Variants in FNDC3B observed in about 807,000 individuals in gnomAD.
FNDC3B encodes the protein fibronectin type III domain containing 3B.
FNDC3B carries 12 observed loss-of-function variants against 151.5 expected under a neutral mutation model. That is an observed-to-expected ratio of 0.08 (90% CI 0.05 to 0.13). The LOEUF (loss-of-function observed/expected upper bound fraction) is 0.13. FNDC3B is among the 10% of genes least tolerant of loss of function. The pLI, the probability that FNDC3B is intolerant of heterozygous loss-of-function variation, is 1.00. For missense variants in FNDC3B, 1,214 were observed against 1,505.3 expected, an observed-to-expected ratio of 0.81 and a Z score of 3.20; for synonymous variants, 528 against 549.0, an observed-to-expected ratio of 0.96 and a Z score of 0.54.
At position 172,401,041 on chromosome 3, in the gene FNDC3B, GCCTC is replaced by G. The variant is rs1736551040; in HGVS notation, c.*3569_*3572del. The G allele has an allele frequency of 6.6e-6, 1 of 151,200 alleles. No homozygotes were observed. The highest frequency in any genetic ancestry group is 2.1e-4 in the South Asian group (1 of 4,800). 9.4% of individuals were successfully genotyped at this position (151,200 alleles called of 1,614,324 possible). ...GGGTTCATGCCATTCTCCTGCCTCA[GCCTC>G]CCAAGTAGCTGGGACTACAGGTGCC... is the stretch of plus-strand genomic sequence containing the variant. On this transcript the variant is annotated 3_prime_UTR_variant, in exon 26 of 26. Coordinates refer to ENST00000415807, the MANE Select transcript of FNDC3B (RefSeq NM_022763.4).
At chr3:172,182,890 C>T (rs953453518) in intron 3 of FNDC3B, among the ~76,000 whole-genome samples, 2 of 152,160 alleles carry the variant, frequency 1.3e-5, no homozygotes, top group African/African-American at 2.4e-5. Context: ...AGTGTAGGCA[C>T]GAAGCTTTCA....
Position 172,346,381 on chromosome 3 carries a change from C to A in FNDC3B, c.2305C>A (p.Gln769Lys). 1 of 1,613,788 alleles carries A rather than the reference C, an allele frequency of 6.2e-7. No homozygotes were observed. The highest frequency in any genetic ancestry group is 8.5e-7 in the Non-Finnish European group (1 of 1,179,796). Residue 769 changes from glutamine to lysine, a missense_variant, in exon 20 of 26, where the codon CAA becomes AAA. Coordinates refer to ENST00000415807, the MANE Select transcript of FNDC3B (RefSeq NM_022763.4). ...EITTAAGPPG[Q>K]CKAPCISCTP... is the part of the protein sequence containing the mutation. ...TACCACTGCTGCAGGGCCTCCTGGA[C>A]AATGCAAAGCACCTTGTATTTCTTG...
In FNDC3B at chr3:172,039,632, C is replaced by T. The variant is rs1560376722; in HGVS notation, c.-168C>T. 6.1e-6 allele frequency: 1 copy of T among 163,532 alleles called. No homozygotes were observed. The highest frequency in any genetic ancestry group is 1.3e-5 in the Non-Finnish European group (1 of 76,488). 10.1% of individuals were successfully genotyped at this position (163,532 alleles called of 1,614,324 possible). A position where few individuals can be genotyped will look rare whatever the true frequency, so the allele number is the denominator to read the frequency against. On this transcript the variant is annotated 5_prime_UTR_variant, in exon 1 of 26. Coordinates refer to ENST00000415807, the MANE Select transcript of FNDC3B (RefSeq NM_022763.4). ...CTCCTGGTAGTTATTTGAGCGGCGG[C>T]GGCGGCGGCTGGAGGAGGAGAGCGG...
At chr3:172,334,088 C>T (rs946611173) in intron 14 of FNDC3B, among the ~76,000 whole-genome samples, 4 of 152,190 alleles carry the variant, frequency 2.6e-5, no homozygotes, top group African/African-American at 9.7e-5. Flanking sequence ...TCCACACATT[C>T]TTCTCTAAGT....
chr3:172,056,072 C>T (rs968176981), intron 1 of FNDC3B, among the ~76,000 whole-genome samples: 3 of 152,114 alleles, frequency 2.0e-5, no homozygotes, highest in Admixed American at 1.3e-4. Flanking sequence ...TGAGCCACTG[C>T]GCCCGGCCTG....
intron 3 of FNDC3B, among the ~76,000 whole-genome samples, chr3:172,191,883 G>A (rs1044697730): frequency 2.0e-5 from 3 of 152,140 alleles, no homozygotes; most frequent in Non-Finnish European, 2.9e-5. Context: ...TGATTGGAGC[G>A]CTGTGTAGAG....
chr3:172,209,490 G>C (rs921804137), intron 3 of FNDC3B, among the ~76,000 whole-genome samples: 1 of 152,208 alleles, frequency 6.6e-6, no homozygotes, highest in Non-Finnish European at 1.5e-5. Flanking sequence ...AAAGTGGTTA[G>C]CACCTATCCA....
At chr3:172,371,174 T>C (rs953250313) in intron 23 of FNDC3B, among the ~76,000 whole-genome samples, 6 of 151,734 alleles carry the variant, frequency 4.0e-5, no homozygotes, top group Non-Finnish European at 8.8e-5. Flanking sequence ...AATGGCATAG[T>C]ATTTGCATAT....
chr3:172,282,789 A>G (rs1027431063), intron 6 of FNDC3B, among the ~76,000 whole-genome samples: 2 of 152,156 alleles, frequency 1.3e-5, no homozygotes, highest in Non-Finnish European at 2.9e-5. Context: ...TTAACTCTTC[A>G]TGATACAGTC....
chr3:172,144,115 C>T (rs2108590456), intron 3 of FNDC3B, among the ~76,000 whole-genome samples: 1 of 152,134 alleles, frequency 6.6e-6, no homozygotes, highest in South Asian at 2.1e-4. Context: ...CCTCAAAGAA[C>T]TTACAATTAT....
intron 3 of FNDC3B, among the ~76,000 whole-genome samples, chr3:172,211,000 C>CT (rs568024785): frequency 6.6e-6 from 1 of 152,172 alleles, no homozygotes; most frequent in African/African-American, 2.4e-5. Context: ...TTGTTCAATG[C>CT]TTTACTACTC....
At chr3:172,128,699 C>T (rs771727680) in intron 2 of FNDC3B, among the ~76,000 whole-genome samples, 32 of 152,170 alleles carry the variant, frequency 2.1e-4, no homozygotes, top group Non-Finnish European at 2.8e-4. Context: ...TCCTTAGTTG[C>T]GTGGAACTCC....
chr3:172,397,722 C>G lies in FNDC3B; in HGVS notation c.*247C>G. Reference sequence around the variant, plus strand: ...AGAAAAGTATACCAGATACCAAAAGCTAGCTTTCTTATGTTTTCCTTTAAA... The same window carrying G: ...AGAAAAGTATACCAGATACCAAAAGGTAGCTTTCTTATGTTTTCCTTTAAA... On this transcript the variant is annotated 3_prime_UTR_variant, in exon 26 of 26. Coordinates refer to ENST00000415807, the MANE Select transcript of FNDC3B (RefSeq NM_022763.4). 1 of 270,070 alleles carries G rather than the reference C, an allele frequency of 3.7e-6. No individual in the cohort carries two copies. Among genetic ancestry groups the G allele is most frequent in the South Asian group, 1.5e-4 (1 of 6,792 alleles). 16.7% of individuals were successfully genotyped at this position (270,070 alleles called of 1,614,324 possible). A position where few individuals can be genotyped will look rare whatever the true frequency, so the allele number is the denominator to read the frequency against.
At chr3:172,280,659 C>A (rs1256555568) in intron 6 of FNDC3B, among the ~76,000 whole-genome samples, 1 of 152,114 alleles carries the variant, frequency 6.6e-6, no homozygotes, top group Non-Finnish European at 1.5e-5. Flanking sequence ...CATTCTATAG[C>A]TAGTAGCTAA....
chr3:172,278,488 G>T (rs1206269306), intron 6 of FNDC3B, among the ~76,000 whole-genome samples: 1 of 152,208 alleles, frequency 6.6e-6, no homozygotes, highest in Non-Finnish European at 1.5e-5. Flanking sequence ...TTAGGGTTCA[G>T]CTAGCAGTGA....
chr3:172,297,699 C>T (rs1445821448), intron 8 of FNDC3B, among the ~76,000 whole-genome samples: 2 of 152,082 alleles, frequency 1.3e-5, no homozygotes, highest in Admixed American at 1.3e-4. Flanking sequence ...TGGTCTCGAT[C>T]TCCTGACCTC....
At chr3:172,360,645 T>A (rs1054667178) in intron 22 of FNDC3B, among the ~76,000 whole-genome samples, 1 of 152,222 alleles carries the variant, frequency 6.6e-6, no homozygotes, top group Admixed American at 6.5e-5. Flanking sequence ...ATTTTCCTCC[T>A]ATTGATATCC....
chr3:172,291,049 C>T (rs1200725576), intron 7 of FNDC3B, among the ~76,000 whole-genome samples: 2 of 152,010 alleles, frequency 1.3e-5, no homozygotes, highest in Non-Finnish European at 2.9e-5. Flanking sequence ...TGTTTCTGAT[C>T]CAAGTACTAT....
intron 9 of FNDC3B, 21 bp downstream of exon 9, chr3:172,298,808 C>T (rs1730762628): frequency 6.3e-7 from 1 of 1,577,660 alleles, no homozygotes; most frequent in African/African-American, 1.4e-5. Flanking sequence ...ATATAAGAGC[C>T]AAACTGTATT....
Sources: allele counts gnomAD v4.1 joint callset (sites outside exome capture counted in the v4.1 genomes callset), GRCh38; gene constraint gnomAD v4.1.1; transcripts MANE v1.5; gene names NCBI Gene and HGNC (gene_info 2026-07-23, HGNC 2026-07-21).